ALDH9A1: variants seen among roughly 807,000 people sequenced by gnomAD.
ALDH9A1 encodes 4-trimethylaminobutyraldehyde dehydrogenase.
A neutral mutation model predicts 56.6 loss-of-function variants in ALDH9A1; 42 were observed. The ratio of observed to expected loss-of-function variants is 0.74; its 90% CI spans 0.58 to 0.96. ALDH9A1 has a LOEUF of 0.96. ALDH9A1 is among the 40% of genes least tolerant of loss of function. ALDH9A1 has a pLI of 0.00. For missense variants in ALDH9A1, 661 were observed against 651.5 expected (o/e 1.01, Z -0.16); for synonymous variants, 242 against 236.0 (o/e 1.03, Z -0.23).
intron 2 of ALDH9A1, among the ~76,000 whole-genome samples, chr1:165,695,051 A>G (rs563329991): frequency 3.9e-5 from 6 of 152,318 alleles, no homozygotes; most frequent in African/African-American, 1.2e-4. Flanking sequence ...AAACCTGCCA[A>G]AGGAGATGTC....
chr1:165,688,322 A>C (rs2101753383), intron 2 of ALDH9A1, among the ~76,000 whole-genome samples: 1 of 152,334 alleles, frequency 6.6e-6, no homozygotes, highest in East Asian at 1.9e-4. Context: ...GTCTCAAAAA[A>C]CAAAACAAAA....
intron 8 of ALDH9A1, among the ~76,000 whole-genome samples, chr1:165,667,751 T>C (rs1649052154): frequency 1.3e-5 from 2 of 152,230 alleles, no homozygotes; most frequent in African/African-American, 4.8e-5. Flanking sequence ...TAAATGTCAA[T>C]GGTTCTTTCT....
intron 6 of ALDH9A1, among the ~76,000 whole-genome samples, chr1:165,673,973 T>G (rs1165052089): frequency 1.3e-5 from 2 of 152,134 alleles, no homozygotes; most frequent in East Asian, 3.9e-4. Flanking sequence ...ATAAAGACCT[T>G]GCTGATAAAA....
intron 6 of ALDH9A1, chr1:165,676,253 C>T (rs950820058): frequency 1.3e-5 from 2 of 154,954 alleles, no homozygotes; most frequent in African/African-American, 4.8e-5. Flanking sequence ...ATACCATTTA[C>T]CACTAAATGG....
At chr1:165,664,873 C>T (rs1216393364) in intron 10 of ALDH9A1, 145 bp downstream of exon 10, 2 of 631,518 alleles carry the variant, frequency 3.2e-6, no homozygotes, top group African/African-American at 1.8e-5. Context: ...GAGACTGCTA[C>T]AGTGGATCTG....
chr1:165,695,379 A>G lies in ALDH9A1; in HGVS notation c.200T>C (p.Phe67Ser). 1 of 1,611,016 alleles carries G rather than the reference A, an allele frequency of 6.2e-7. No homozygotes were observed. ...EPATGRVIAT[F>S]TCSGEKEVNL... ...TACTTCCTTTTCTCCTGAACATGTGAAAGTAGCTATCACTCGGCCTATAAA... is the reference window on the plus strand; with the variant it reads ...TACTTCCTTTTCTCCTGAACATGTGGAAGTAGCTATCACTCGGCCTATAAA... Residue 67 changes from phenylalanine (F) to serine (S), a missense_variant, in exon 2 of 11, where the codon TTC (phenylalanine) becomes TCC (serine). Physicochemically the swap from Phe to Ser is radical, Grantham distance 155 (BLOSUM62 -2). Coordinates refer to ENST00000354775, the MANE Select transcript of ALDH9A1 (RefSeq NM_000696.4).
chr1:165,668,748 A>T (rs1649082760), intron 8 of ALDH9A1, 178 bp downstream of exon 8: 1 of 498,846 alleles, frequency 2.0e-6, no homozygotes, highest in African/African-American at 2.0e-5. Context: ...GCCCTAAAGG[A>T]GGGGCACACA....
chr1:165,690,640 A>T (rs1239769884), intron 2 of ALDH9A1, among the ~76,000 whole-genome samples: 2 of 152,196 alleles, frequency 1.3e-5, no homozygotes, highest in Non-Finnish European at 2.9e-5. Flanking sequence ...GTACCTGGGA[A>T]ATCGGGACAC....
In ALDH9A1 at chr1:165,670,680, TAACA is replaced by T. The variant is rs1649148679; in HGVS notation, c.931-1234_931-1231del. Among the ~76,000 whole-genome samples the T allele has an allele frequency of 2.0e-5, 3 of 152,326 alleles. No individual in the cohort carries two copies. In the South Asian group the frequency reaches 6.2e-4, roughly 32 times the overall value. ...ATCATCACTAATTTTAAAAAACTCT[TAACA>T]ATTAATGGAAAATCATATCTCATAA... On this transcript the variant is annotated intron_variant, in intron 6 of 10. Coordinates refer to ENST00000354775, the MANE Select transcript of ALDH9A1 (RefSeq NM_000696.4).
intron 4 of ALDH9A1, among the ~76,000 whole-genome samples, chr1:165,681,444 C>G (rs893431784): frequency 6.6e-6 from 1 of 152,184 alleles, no homozygotes; most frequent in Non-Finnish European, 1.5e-5. Flanking sequence ...GACTATTTTT[C>G]CTCTTTCACA....
Position 165,673,301 on chromosome 1 carries a change from C to T in ALDH9A1, c.931-3851G>A, listed in dbSNP as rs148678296. On this transcript the variant is annotated intron_variant, in intron 6 of 10. Transcript: ENST00000354775. ...TTATTATCAAAAAGATAAAAGATAA[C>T]AAGTGTTGGTGAGGATGCGGAGAAA... Among the ~76,000 whole-genome samples the T allele has an allele frequency of 1.6e-3, 240 of 152,242 alleles. 2 individuals carry two copies. Among genetic ancestry groups the T allele is most frequent in the African/African-American group, 5.6e-3 (231 of 41,540 alleles).
intron 1 of ALDH9A1, among the ~76,000 whole-genome samples, chr1:165,696,860 G>A (rs759529809): frequency 1.3e-5 from 2 of 152,206 alleles, no homozygotes; most frequent in Non-Finnish European, 2.9e-5. Flanking sequence ...AAAGCAAAGA[G>A]CAATTTTTCT....
At position 165,675,196 on chromosome 1, in the gene ALDH9A1, A is replaced by C. The variant is rs1413787535; in HGVS notation, c.930+4246T>G. Among the ~76,000 whole-genome samples, 4 of 152,052 alleles carry C rather than the reference A, an allele frequency of 2.6e-5. No homozygotes were observed. In the East Asian group the frequency reaches 7.7e-4, roughly 29 times the overall value. ...GGCTACAGAGTGAGACTCCATCTCG[A>C]AAAAATAATAATAATAAAATAAATT... is the stretch of plus-strand genomic sequence containing the variant. On this transcript the variant is annotated intron_variant, in intron 6 of 10. Coordinates refer to ENST00000354775, the MANE Select transcript of ALDH9A1 (RefSeq NM_000696.4).
At chr1:165,671,426 C>T (rs1420569204) in intron 6 of ALDH9A1, 4 of 447,432 alleles carry the variant, frequency 8.9e-6, no homozygotes, top group East Asian at 6.3e-5. Flanking sequence ...CTTCACAAAT[C>T]GGTGGGATCC....
intron 6 of ALDH9A1, among the ~76,000 whole-genome samples, chr1:165,672,972 A>AACACACACACACAC (rs67363579): frequency 2.6e-4 from 32 of 124,254 alleles, no homozygotes; most frequent in South Asian, 1.5e-3. Flanking sequence ...AAAAAATACA[A>AACACACACACACAC]ACACACACAC....
chr1:165,698,110 T>C, intron 1 of ALDH9A1: 1 of 772,272 alleles, frequency 1.3e-6, no homozygotes, highest in African/African-American at 1.8e-5. Flanking sequence ...CCACCAGTAC[T>C]TTGCGAACTC....
At chr1:165,679,908 G>A (rs142669245) in intron 5 of ALDH9A1, among the ~76,000 whole-genome samples, 2 of 152,212 alleles carry the variant, frequency 1.3e-5, no homozygotes, top group Non-Finnish European at 2.9e-5. Flanking sequence ...AGCTTCTTAG[G>A]AGGCTGAAGC....
rs866901450 is a variant in ALDH9A1 at position 165,669,297 on chromosome 1, G to A, written c.1084C>T (p.Arg362Ter). Residue 362 changes from arginine (R) to a stop codon, truncating the protein, a stop_gained, in exon 7 of 11, where the codon CGA becomes TGA. Transcript: ENST00000354775. LOFTEE classifies it high-confidence loss of function. ...GPLINRPHLE[R>*]VLGFVKVAKE... ...GCCACTTTGACAAACCCAAGGACTC[G>A]CTCCAGGTGTGGTCGGTTGATGAGT... 9 of 1,609,234 alleles carry A rather than the reference G, an allele frequency of 5.6e-6. No individual in the cohort carries two copies. The highest frequency in any genetic ancestry group is 1.7e-5 in the Admixed American group (1 of 58,644).
chr1:165,662,935 A>G lies in ALDH9A1; in HGVS notation c.*115T>C. Reference sequence around the variant, plus strand: ...AGAGTAACATGAACCATTCTCTTATACTGAACGCCAAAATTCTGGATGTAA... The same window carrying G: ...AGAGTAACATGAACCATTCTCTTATGCTGAACGCCAAAATTCTGGATGTAA... On this transcript the variant is annotated 3_prime_UTR_variant, in exon 11 of 11. Transcript: ENST00000354775. 2 of 902,644 alleles carry G rather than the reference A, an allele frequency of 2.2e-6. No individual in the cohort carries two copies. The highest frequency in any genetic ancestry group is 1.5e-5 in the South Asian group (1 of 68,914). The allele number at this position is 902,644 out of a possible 1,614,324, so 55.9% of individuals were successfully genotyped here. A position where few individuals can be genotyped will look rare whatever the true frequency, so the allele number is the denominator to read the frequency against.
Sources: gnomAD v4.1 joint callset for allele counts (sites outside exome capture counted in the v4.1 genomes callset) on GRCh38, gnomAD v4.1.1 for gene constraint, MANE v1.5 for transcripts, NCBI Gene and HGNC (gene_info 2026-07-23, HGNC 2026-07-21) for gene names.